Variants in GALNT13 observed in about 807,000 individuals in gnomAD.
GALNT13 encodes the protein polypeptide N-acetylgalactosaminyltransferase 13, also known as UDP-GalNAc:polypeptide N-acetylgalactosaminyltransferase 13.
GALNT13 carries 28 observed loss-of-function variants against 64.2 expected under a neutral mutation model. The observed-to-expected ratio is 0.44, with a 90% CI of 0.32 to 0.60. The LOEUF (loss-of-function observed/expected upper bound fraction) is 0.60, where lower values mean the gene tolerates loss of function less well. Ranked by LOEUF, GALNT13 falls within the 20% of genes least tolerant of loss-of-function variation. The pLI is 0.05. For synonymous variants in GALNT13, 214 were observed against 224.6 expected (o/e 0.95, Z 0.42); for missense variants, 577 against 669.8 (o/e 0.86, Z 1.53).
chr2:154,441,260 G>A (rs1701280450), intron 12 of GALNT13, among the ~76,000 whole-genome samples: 1 of 152,090 alleles, frequency 6.6e-6, no homozygotes, highest in African/African-American at 2.4e-5. Flanking sequence ...GCAGAGAGAG[G>A]GAAAGGGAGC....
At chr2:154,342,268 G>A (rs1457214236) in intron 9 of GALNT13, among the ~76,000 whole-genome samples, 2 of 152,014 alleles carry the variant, frequency 1.3e-5, no homozygotes, top group Non-Finnish European at 2.9e-5. Flanking sequence ...AATAAGGGTT[G>A]AGTACTGAGG....
the GALNT13 span, among the ~76,000 whole-genome samples, chr2:153,320,838 GT>G: frequency 6.6e-6 from 1 of 152,114 alleles, no homozygotes; most frequent in African/African-American, 2.4e-5. Flanking sequence ...TCAATTCTTA[GT>G]TCCTTTTCTG....
At chr2:153,370,088 T>C in the GALNT13 span, among the ~76,000 whole-genome samples, 2 of 152,180 alleles carry the variant, frequency 1.3e-5, no homozygotes, top group Non-Finnish European at 2.9e-5. Flanking sequence ...ATAAATTTGA[T>C]AACATAAATG....
At chr2:153,958,625 TACA>T (rs1218766447) in intron 3 of GALNT13, among the ~76,000 whole-genome samples, 3 of 152,086 alleles carry the variant, frequency 2.0e-5, no homozygotes, top group Admixed American at 6.5e-5. Flanking sequence ...TAAGGATCTC[TACA>T]GAGGGTTTTG....
the GALNT13 span, among the ~76,000 whole-genome samples, chr2:153,783,094 A>G: frequency 1.3e-5 from 2 of 152,210 alleles, no homozygotes; most frequent in African/African-American, 2.4e-5. Flanking sequence ...GAATTCATCC[A>G]AAGTGCTGAT....
chr2:153,994,347 T>G lies in GALNT13; in HGVS notation c.142+49708T>G, dbSNP rs558763052. ...GACATTTGGGTTGGTTCCAAGTCTT[T>G]GCTATTGTGAATAGTGCTGCAATAA... is the stretch of plus-strand genomic sequence containing the variant. On this transcript the variant is annotated intron_variant, in intron 3 of 12. Coordinates refer to ENST00000392825, the MANE Select transcript of GALNT13 (RefSeq NM_052917.4). Among the ~76,000 whole-genome samples the G allele has an allele frequency of 1.9e-4, 29 of 152,350 alleles. No individual in the cohort carries two copies. In the East Asian group the frequency reaches 5.4e-3, roughly 28 times the overall value.
At chr2:154,310,356 A>G (rs1693966585) in intron 9 of GALNT13, among the ~76,000 whole-genome samples, 1 of 152,138 alleles carries the variant, frequency 6.6e-6, no homozygotes, top group Admixed American at 6.6e-5. Flanking sequence ...AGGCAAATGA[A>G]ATATGTAAGT....
the GALNT13 span, among the ~76,000 whole-genome samples, chr2:153,846,720 A>G: frequency 5.9e-5 from 9 of 152,232 alleles, no homozygotes; most frequent in African/African-American, 1.9e-4. Context: ...AGAAAATCCA[A>G]AAAACAGACT....
At chr2:154,037,373 A>G (rs1468550098) in intron 3 of GALNT13, among the ~76,000 whole-genome samples, 3 of 152,306 alleles carry the variant, frequency 2.0e-5, no homozygotes, top group East Asian at 3.9e-4. Flanking sequence ...GCTATATATA[A>G]CAAACCCAAA....
chr2:154,236,348 T>C (rs1482360128), intron 4 of GALNT13, among the ~76,000 whole-genome samples: 1 of 152,130 alleles, frequency 6.6e-6, no homozygotes, highest in Non-Finnish European at 1.5e-5. Flanking sequence ...ACATTTGAAC[T>C]TCCAAAGAGT....
At chr2:153,561,757 T>C in the GALNT13 span, among the ~76,000 whole-genome samples, 4 of 152,026 alleles carry the variant, frequency 2.6e-5, no homozygotes, top group East Asian at 3.9e-4. Flanking sequence ...TGTTTTGTTA[T>C]AGACTTTAAA....
the GALNT13 span, among the ~76,000 whole-genome samples, chr2:153,353,458 T>C: frequency 6.6e-6 from 1 of 152,180 alleles, no homozygotes; most frequent in Non-Finnish European, 1.5e-5. Flanking sequence ...TTTTGTCTTA[T>C]TGTATTAGCT....
chr2:153,645,234 G>C, the GALNT13 span, among the ~76,000 whole-genome samples: 1 of 152,070 alleles, frequency 6.6e-6, no homozygotes, highest in Non-Finnish European at 1.5e-5. Flanking sequence ...TTTGCTCAAG[G>C]CATGAGTTAT....
chr2:153,359,720 T>C, the GALNT13 span, among the ~76,000 whole-genome samples: 1 of 136,050 alleles, frequency 7.4e-6, no homozygotes, highest in Admixed American at 7.8e-5. Flanking sequence ...TTAATTAGAA[T>C]AAAACTCAGA....
At chr2:153,352,535 C>T in the GALNT13 span, among the ~76,000 whole-genome samples, 2 of 151,956 alleles carry the variant, frequency 1.3e-5, no homozygotes, top group African/African-American at 2.4e-5. Context: ...ATCACCAATC[C>T]CAAAGTCGTT....
intron 3 of GALNT13, among the ~76,000 whole-genome samples, chr2:153,961,300 G>A (rs1692926172): frequency 6.6e-6 from 1 of 152,130 alleles, no homozygotes; most frequent in Non-Finnish European, 1.5e-5. Flanking sequence ...TAGGAGGAGA[G>A]AGACTCTATG....
At chr2:154,414,471 A>G (rs1276384333) in intron 11 of GALNT13, among the ~76,000 whole-genome samples, 1 of 151,608 alleles carries the variant, frequency 6.6e-6, no homozygotes, top group Non-Finnish European at 1.5e-5. Flanking sequence ...CACACTTTCC[A>G]GGATTATAAT....
At chr2:154,172,341 T>C (rs1685400976) in intron 4 of GALNT13, among the ~76,000 whole-genome samples, 1 of 151,974 alleles carries the variant, frequency 6.6e-6, no homozygotes, top group Non-Finnish European at 1.5e-5. Context: ...CTACTATACA[T>C]TATTTTAAAC....
chr2:153,436,099 T>C, the GALNT13 span, among the ~76,000 whole-genome samples: 1 of 152,200 alleles, frequency 6.6e-6, no homozygotes, highest in Non-Finnish European at 1.5e-5. Context: ...GTGGTTTTTG[T>C]GTTTGGTTCT....
Sources: gnomAD v4.1 joint callset for allele counts (sites outside exome capture counted in the v4.1 genomes callset) on GRCh38, gnomAD v4.1.1 for gene constraint, MANE v1.5 for transcripts, NCBI Gene and HGNC (gene_info 2026-07-23, HGNC 2026-07-21) for gene names.